The following USP24 variants were observed in gnomAD, a reference collection of about 807,000 sequenced individuals.
USP24 encodes the protein ubiquitin specific peptidase 24.
A neutral mutation model predicts 361.6 loss-of-function variants in USP24; 97 were observed. That is an observed-to-expected ratio of 0.27 (90% confidence interval 0.23 to 0.32). The LOEUF is 0.32. Ranked by LOEUF, USP24 falls within the 10% of genes least tolerant of loss-of-function variation. USP24 has a pLI of 1.00. For missense variants in USP24, 2,353 were observed against 3,165.6 expected (o/e 0.74, Z 6.16); for synonymous variants, 1,098 against 1,124.6 (o/e 0.98, Z 0.47).
rs1485190126 is a variant in USP24, at chr1:55,159,688, G to A, written c.994-3C>T. On this transcript the variant is annotated splice_polypyrimidine_tract_variant and splice_region_variant and intron_variant, in intron 8 of 67. Transcript: ENST00000294383. ...AGAATGACTGGGTCTAGCATGGGCT[G>A]TAGAAATAAAATGCTACAGTTAAGA... is the stretch of plus-strand genomic sequence containing the variant. 2 of 1,554,138 alleles carry A rather than the reference G, an allele frequency of 1.3e-6. No individual in the cohort carries two copies. Among genetic ancestry groups the A allele is most frequent in the Admixed American group, 1.9e-5 (1 of 51,362 alleles).
At chr1:55,188,190 A>G (rs984671025) in intron 1 of USP24, among the ~76,000 whole-genome samples, 1 of 152,182 alleles carries the variant, frequency 6.6e-6, no homozygotes, top group African/African-American at 2.4e-5. Flanking sequence ...TTTTCAACAA[A>G]TGGTGCTGAG....
At position 55,161,047 on chromosome 1, in the gene USP24, T is replaced by A. The variant is rs144180494; in HGVS notation, c.993+1152A>T. On this transcript the variant is annotated intron_variant, in intron 8 of 67. Transcript: ENST00000294383. ...CACCTAAAACTCTTGCAGGATTACC[T>A]TGACATCTAAAGAAAGCATTTAACA... Among the ~76,000 whole-genome samples, 576 of 152,240 alleles carry A rather than the reference T, an allele frequency of 3.8e-3. 5 individuals carry two copies. Among genetic ancestry groups the A allele is most frequent in the African/African-American group, 0.013 (539 of 41,546 alleles).
intron 26 of USP24, 82 bp from the exon 27 acceptor site, chr1:55,137,986 A>C: frequency 7.5e-7 from 1 of 1,328,312 alleles, no homozygotes; most frequent in Non-Finnish European, 1.0e-6. Context: ...TCTACTAGGT[A>C]CTGGGCACTG....
chr1:55,124,298 T>C (rs564076633), intron 35 of USP24, among the ~76,000 whole-genome samples, 171 bp downstream of exon 35: 50 of 152,346 alleles, frequency 3.3e-4, no homozygotes, highest in Non-Finnish European at 6.5e-4. Flanking sequence ...GACATACATA[T>C]AGGAACATAC....
At chr1:55,098,994 G>A (rs2100500161) in intron 45 of USP24, among the ~76,000 whole-genome samples, 1 of 152,352 alleles carries the variant, frequency 6.6e-6, no homozygotes, top group South Asian at 2.1e-4. Flanking sequence ...CGTTTAGGAA[G>A]TCTGCCACAT....
At chr1:55,197,561 T>C (rs968352013) in intron 1 of USP24, among the ~76,000 whole-genome samples, 1 of 152,212 alleles carries the variant, frequency 6.6e-6, no homozygotes, top group Non-Finnish European at 1.5e-5. Flanking sequence ...AGAGAAAGCA[T>C]GGCACATTTA....
intron 7 of USP24, among the ~76,000 whole-genome samples, chr1:55,165,082 G>A (rs115623058): frequency 6.6e-6 from 1 of 152,122 alleles, no homozygotes; most frequent in Non-Finnish European, 1.5e-5. Flanking sequence ...CTCTCCTTGA[G>A]CATTGCTATT....
intron 30 of USP24, 62 bp from the exon 31 acceptor site, chr1:55,132,762 A>G: frequency 6.7e-7 from 1 of 1,485,690 alleles, no homozygotes; most frequent in South Asian, 1.3e-5. Flanking sequence ...AGAGAAACAG[A>G]TCTTAGTACA....
rs1308520319 is a variant in USP24, at chr1:55,172,379, T to C, written c.700A>G (p.Met234Val). ...ACTTAATTTTAGAGATACTATACCATTGTAAGCACACCCAGGAGACCAGTG... is the reference window on the plus strand; with the variant it reads ...ACTTAATTTTAGAGATACTATACCACTGTAAGCACACCCAGGAGACCAGTG... ...IPTGLLGVLT[M>V]AFNPDNEYHF... Residue 234 changes from methionine (M) to valine (V), a missense_variant and splice_region_variant, in exon 4 of 68, where the codon ATG (methionine) becomes GTG (valine). Around this residue, in one of 8 missense-constraint regions of USP24, gnomAD observed 386 missense variants for 560.5 expected, o/e 0.69. Transcript: ENST00000294383. 5 of 1,610,958 alleles carry C rather than the reference T, an allele frequency of 3.1e-6. No homozygotes were observed. The African/African-American group carries it at 5.3e-5, about 17-fold the overall frequency.
Position 55,097,866 on chromosome 1 carries a change from C to T in USP24, c.5595+77G>A, listed in dbSNP as rs1424724245. 47 of 1,531,504 alleles carry T rather than the reference C, an allele frequency of 3.1e-5. No individual in the cohort carries two copies. In the South Asian group the frequency reaches 5.6e-4, roughly 18 times the overall value. 94.9% of individuals were successfully genotyped at this position (1,531,504 alleles called of 1,614,324 possible). A position where few individuals can be genotyped will look rare whatever the true frequency, so the allele number is the denominator to read the frequency against. On this transcript the variant is annotated intron_variant, in intron 47 of 67. Transcript: ENST00000294383. ...TGGAAATAACAGTAGGAGCTTAATA[C>T]TGATTTTACATAAAACAAAGACGCA...
intron 1 of USP24, among the ~76,000 whole-genome samples, chr1:55,212,380 GGCTTTGAAGTCAAAGA>G (rs1233149055): frequency 3.9e-5 from 6 of 152,080 alleles, no homozygotes; most frequent in Non-Finnish European, 8.8e-5. Flanking sequence ...AAAGCACACT[GGCTTTGAAGTCAAAGA>G]GACCTGGGTT....
chr1:55,110,889 T>G (rs1293763919), intron 38 of USP24, among the ~76,000 whole-genome samples: 2 of 152,120 alleles, frequency 1.3e-5, no homozygotes, highest in Non-Finnish European at 2.9e-5. Flanking sequence ...TCTAAAATGC[T>G]TACTATAGTA....
At chr1:55,167,066 T>G (rs914820825) in intron 5 of USP24, among the ~76,000 whole-genome samples, 29 of 152,298 alleles carry the variant, frequency 1.9e-4, no homozygotes, top group African/African-American at 6.5e-4. Context: ...TTCACTGTTC[T>G]AGGGACTAGA....
intron 51 of USP24, 127 bp downstream of exon 51, chr1:55,095,128 T>C (rs1243318755): frequency 2.5e-5 from 30 of 1,196,058 alleles, no homozygotes; most frequent in Non-Finnish European, 3.2e-5. Flanking sequence ...TATTTTCTTT[T>C]TGGAATTCTT....
chr1:55,189,538 A>G (rs1365893877), intron 1 of USP24, among the ~76,000 whole-genome samples: 1 of 152,220 alleles, frequency 6.6e-6, no homozygotes, highest in Non-Finnish European at 1.5e-5. Flanking sequence ...CCATAGACAC[A>G]GAAAGTAGAC....
At chr1:55,095,497 C>A (rs1056682310) in intron 50 of USP24, 101 bp from the exon 51 acceptor site, 5 of 1,324,902 alleles carry the variant, frequency 3.8e-6, no homozygotes, top group Admixed American at 5.3e-5. Context: ...TAGTTAACTA[C>A]TCCCTAAGTT....
intron 67 of USP24, 38 bp downstream of exon 67, chr1:55,071,776 G>T (rs764217935): frequency 1.3e-6 from 2 of 1,563,150 alleles, no homozygotes; most frequent in Non-Finnish European, 1.8e-6. Context: ...TAAGAGCAAG[G>T]CTGCCCTTTG....
chr1:55,096,849 G>A, intron 49 of USP24, 103 bp downstream of exon 49: 1 of 1,439,726 alleles, frequency 6.9e-7, no homozygotes, highest in Non-Finnish European at 9.4e-7. Context: ...ACACAGTCAA[G>A]AACAATGCCA....
intron 38 of USP24, among the ~76,000 whole-genome samples, chr1:55,116,646 CAA>C (rs996704657): frequency 4.4e-5 from 6 of 136,250 alleles, no homozygotes; most frequent in African/African-American, 1.7e-4. Context: ...ATCTATTTAG[CAA>C]AGAGATTCAG....
Sources: allele counts gnomAD v4.1 joint callset (sites outside exome capture counted in the v4.1 genomes callset), GRCh38; gene constraint gnomAD v4.1.1; regional missense constraint gnomAD v4.1.1; transcripts MANE v1.5; gene names NCBI Gene and HGNC (gene_info 2026-07-23, HGNC 2026-07-21).